NLGN4X: variants seen among roughly 807,000 people sequenced by gnomAD.
NLGN4X encodes neuroligin-4, X-linked.
In NLGN4X, 3 loss-of-function variants were observed where a neutral mutation model predicts 40.3. The ratio of observed to expected loss-of-function variants is 0.07; its 90% CI spans 0.03 to 0.19. NLGN4X has a LOEUF of 0.19. NLGN4X is among the 10% of genes least tolerant of loss of function. NLGN4X has a pLI of 1.00. For synonymous variants in NLGN4X, 270 were observed against 306.8 expected, an observed-to-expected ratio of 0.88 and a Z score of 1.25; for missense variants, 382 against 708.3, an observed-to-expected ratio of 0.54 and a Z score of 5.23.
intron 2 of NLGN4X, among the ~76,000 whole-genome samples, chrX:6,148,388 C>G (rs186084896): frequency 1.1e-3 from 119 of 112,294 alleles, no homozygotes; most frequent in Non-Finnish European, 1.9e-3. Flanking sequence ...AACTGAGATA[C>G]TCCCTAAGAG....
intron 2 of NLGN4X, among the ~76,000 whole-genome samples, chrX:6,067,977 A>G (rs1054443139): frequency 9.0e-6 from 1 of 111,422 alleles, no homozygotes; most frequent in African/African-American, 3.3e-5. Flanking sequence ...GCATTATAGC[A>G]TTCTGCCTTC....
At chrX:5,933,225 T>C (rs1346056556) in intron 3 of NLGN4X, among the ~76,000 whole-genome samples, 1 of 111,775 alleles carries the variant, frequency 8.9e-6, no homozygotes, top group Non-Finnish European at 1.9e-5. Flanking sequence ...ATATAACTAA[T>C]TTGGTAAGAA....
At chrX:5,913,355 T>C (rs2032605537) in intron 3 of NLGN4X, among the ~76,000 whole-genome samples, 1 of 111,168 alleles carries the variant, frequency 9.0e-6, no homozygotes, top group African/African-American at 3.3e-5. Flanking sequence ...CAAAGATGAG[T>C]GCTGCTCCTG....
intron 3 of NLGN4X, among the ~76,000 whole-genome samples, chrX:5,987,441 G>A (rs1408951442): frequency 1.8e-5 from 2 of 112,764 alleles, no homozygotes; most frequent in Admixed American, 9.3e-5. Context: ...CATGGGTGTT[G>A]GTTATAGAAA....
At chrX:6,211,721 C>G (rs757571111) in intron 1 of NLGN4X, among the ~76,000 whole-genome samples, 6 of 111,520 alleles carry the variant, frequency 5.4e-5, no homozygotes, top group African/African-American at 1.6e-4. Context: ...TATGTCCATA[C>G]GTACATATGA....
chrX:6,170,727 T>C (rs2040588381), intron 1 of NLGN4X, among the ~76,000 whole-genome samples: 1 of 112,501 alleles, frequency 8.9e-6, no homozygotes, highest in East Asian at 2.8e-4. Flanking sequence ...CTCTATGATA[T>C]TTCTAAGTAA....
intron 2 of NLGN4X, among the ~76,000 whole-genome samples, chrX:6,033,552 G>T (rs1301535555): frequency 2.7e-5 from 3 of 111,896 alleles, no homozygotes; most frequent in Non-Finnish European, 5.6e-5. Context: ...ATTAAATATC[G>T]TTTGAAGATC....
intron 2 of NLGN4X, among the ~76,000 whole-genome samples, chrX:6,140,473 C>G (rs952788423): frequency 2.2e-3 from 189 of 87,204 alleles, no homozygotes; most frequent in African/African-American, 6.8e-3. Flanking sequence ...CACACACACA[C>G]ACACACACAC....
intron 3 of NLGN4X, among the ~76,000 whole-genome samples, chrX:5,933,899 A>G (rs1198831004): frequency 8.9e-6 from 1 of 111,873 alleles, no homozygotes; most frequent in Non-Finnish European, 1.9e-5. Flanking sequence ...AGATATAGAA[A>G]GACTAAAATT....
At chrX:6,067,430 T>A (rs1391382476) in intron 2 of NLGN4X, among the ~76,000 whole-genome samples, 1 of 110,827 alleles carries the variant, frequency 9.0e-6, no homozygotes, top group Non-Finnish European at 1.9e-5. Flanking sequence ...GGCACTTTAA[T>A]CCCAACAGAT....
intron 1 of NLGN4X, among the ~76,000 whole-genome samples, chrX:6,215,856 G>T (rs1375809104): frequency 2.9e-5 from 3 of 104,715 alleles, no homozygotes; most frequent in Non-Finnish European, 5.8e-5. Flanking sequence ...GCTGAAAGAT[G>T]TGGAGAGTAA....
chrX:6,193,953 A>T (rs1400303987), intron 1 of NLGN4X, among the ~76,000 whole-genome samples: 1 of 112,163 alleles, frequency 8.9e-6, no homozygotes, highest in Non-Finnish European at 1.9e-5. Flanking sequence ...CTAATCCTCA[A>T]CCTGCAGAGA....
chrX:6,067,331 T>C (rs941348117), intron 2 of NLGN4X, among the ~76,000 whole-genome samples: 12 of 111,008 alleles, frequency 1.1e-4, no homozygotes, highest in African/African-American at 3.9e-4. Context: ...TCTTCTTTTC[T>C]TCCAGTGGTT....
chrX:6,158,084 C>T (rs781213814), intron 1 of NLGN4X, among the ~76,000 whole-genome samples: 1 of 111,996 alleles, frequency 8.9e-6, no homozygotes, highest in South Asian at 3.7e-4. Context: ...TTTCCAGACA[C>T]AATTTCTAAA....
chrX:6,218,471 AACCCACAC>A (rs1214708037), intron 1 of NLGN4X, among the ~76,000 whole-genome samples: 8 of 72,359 alleles, frequency 1.1e-4, no homozygotes, highest in Admixed American at 1.7e-4. Context: ...TGAGAGATTA[AACCCACAC>A]ACACACACAC....
intron 2 of NLGN4X, among the ~76,000 whole-genome samples, chrX:6,039,456 G>A (rs752745825): frequency 2.0e-4 from 22 of 112,016 alleles, no homozygotes; most frequent in African/African-American, 6.5e-4. Flanking sequence ...AGTAATAGGC[G>A]CTTATTGTCT....
At chrX:6,047,037 A>T (rs1369825118) in intron 2 of NLGN4X, among the ~76,000 whole-genome samples, 1 of 109,514 alleles carries the variant, frequency 9.1e-6, no homozygotes, top group Non-Finnish European at 1.9e-5. Context: ...GGATATATAC[A>T]CATATATGTA....
At position 5,893,431 on chromosome X, in the gene NLGN4X, C is replaced by T. The variant is rs201556012; in HGVS notation, c.1837G>A (p.Val613Ile). The change falls in exon 6 of 6, where the codon GTT becomes ATT. Residue 613 changes from valine to isoleucine, a missense_variant. By Grantham distance (29) the Val-to-Ile change is conservative. Transcript: ENST00000381095. ...IFQYVSTTTK[V>I]PPPDMTSFPY... ...AATGATGTCATGTCTGGTGGAGGAA[C>T]CTTTGTGGTTGTTGAAACATACTGG... 2 of 1,207,040 alleles carry T rather than the reference C, an allele frequency of 1.7e-6. No individual in the cohort carries two copies. The highest frequency in any genetic ancestry group is 2.2e-6 in the Non-Finnish European group (2 of 894,364).
chrX:5,962,399 T>C (rs2034691097), intron 3 of NLGN4X, among the ~76,000 whole-genome samples: 1 of 111,970 alleles, frequency 8.9e-6, no homozygotes, highest in Non-Finnish European at 1.9e-5. Flanking sequence ...CAAGGTCTTA[T>C]GAAGTCAGAG....
Sources: allele counts gnomAD v4.1 joint callset (sites outside exome capture counted in the v4.1 genomes callset), GRCh38; gene constraint gnomAD v4.1.1; transcripts MANE v1.5; gene names NCBI Gene and HGNC (gene_info 2026-07-23, HGNC 2026-07-21).